The following ADGRL3 variants were observed in gnomAD, a reference collection of about 807,000 sequenced individuals.
The protein encoded by ADGRL3 is adhesion G protein-coupled receptor L3.
ADGRL3 carries 62 observed loss-of-function variants against 153.5 expected under a neutral mutation model. The ratio of observed to expected loss-of-function variants is 0.40; its 90% confidence interval spans 0.33 to 0.50. The LOEUF (loss-of-function observed/expected upper bound fraction) is 0.50, where lower values mean the gene tolerates loss of function less well. ADGRL3 is among the 20% of genes least tolerant of loss of function. ADGRL3 has a pLI of 0.47. For synonymous variants in ADGRL3, 710 were observed against 672.5 expected, an observed-to-expected ratio of 1.06 and a Z score of -0.86; for missense variants, 1,641 against 1,859.4, an observed-to-expected ratio of 0.88 and a Z score of 2.16.
intron 5 of ADGRL3, among the ~76,000 whole-genome samples, chr4:61,664,264 AT>A (rs145164620): frequency 0.027 from 4,104 of 152,296 alleles, 126 homozygotes; most frequent in East Asian, 0.12. Flanking sequence ...AATATGTAAA[AT>A]TTTTTAAAGC....
intron 3 of ADGRL3, among the ~76,000 whole-genome samples, chr4:61,512,005 G>A (rs6841427): frequency 0.45 from 68,735 of 151,898 alleles, 16,734 homozygotes; most frequent in East Asian, 0.68. Context: ...AAGGTGCTGT[G>A]GGAGAGAGCC....
chr4:61,283,990 A>G (rs1424511866), intron 1 of ADGRL3, among the ~76,000 whole-genome samples: 1 of 152,014 alleles, frequency 6.6e-6, no homozygotes, highest in African/African-American at 2.4e-5. Flanking sequence ...CTGCTTGCAT[A>G]CAAAATCACA....
At chr4:61,296,668 A>T (rs1448900967) in intron 1 of ADGRL3, among the ~76,000 whole-genome samples, 1 of 152,186 alleles carries the variant, frequency 6.6e-6, no homozygotes, top group East Asian at 1.9e-4. Flanking sequence ...TGTAAATAGC[A>T]AAAGGCTTTA....
intron 1 of ADGRL3, among the ~76,000 whole-genome samples, 159 bp from the exon 2 acceptor site, chr4:61,382,965 C>G (rs1470808762): frequency 6.6e-6 from 1 of 151,810 alleles, no homozygotes; most frequent in Non-Finnish European, 1.5e-5. Context: ...TAAATTTCCT[C>G]TACATACCAT....
intron 9 of ADGRL3, among the ~76,000 whole-genome samples, chr4:61,879,398 T>C (rs766098108): frequency 2.0e-5 from 3 of 152,194 alleles, no homozygotes; most frequent in Non-Finnish European, 2.9e-5. Flanking sequence ...TAATGAGATA[T>C]CTTGGTGATA....
intron 9 of ADGRL3, among the ~76,000 whole-genome samples, chr4:61,841,428 T>C (rs989359330): frequency 6.6e-6 from 1 of 152,200 alleles, no homozygotes; most frequent in East Asian, 1.9e-4. Context: ...GAGGAAACTC[T>C]TGAATTTTTC....
At chr4:61,475,109 A>G (rs1199528135) in intron 2 of ADGRL3, among the ~76,000 whole-genome samples, 1 of 152,168 alleles carries the variant, frequency 6.6e-6, no homozygotes, top group Non-Finnish European at 1.5e-5. Flanking sequence ...CTAATTCAAC[A>G]TTCTGAACGG....
At position 62,070,599 on chromosome 4, in the gene ADGRL3, A is replaced by G; in HGVS notation, c.4323A>G (p.Thr1441=). 1 of 1,551,366 alleles carries G rather than the reference A, an allele frequency of 6.4e-7. No individual in the cohort carries two copies. Among genetic ancestry groups the G allele is most frequent in the East Asian group, 2.4e-5 (1 of 40,856 alleles). Residue 1441 remains threonine, a synonymous_variant, in exon 27 of 27, where the codon ACA becomes ACG. Transcript: ENST00000683033. ...TCCCTTTGCTAACCAACGAGCACAC[A>G]GAAGATCTCCAGTCACCCCATAGAG... ...SFFPLLTNEH[T]EDLQSPHRDS... is the part of the protein sequence containing the mutation.
chr4:61,683,636 AG>A (rs1484626091), intron 6 of ADGRL3, among the ~76,000 whole-genome samples: 2 of 152,140 alleles, frequency 1.3e-5, no homozygotes, highest in African/African-American at 4.8e-5. Context: ...AGAAAAGGGT[AG>A]CTATATGTAA....
intron 1 of ADGRL3, among the ~76,000 whole-genome samples, chr4:61,261,854 T>C (rs1338631005): frequency 6.6e-6 from 1 of 151,582 alleles, no homozygotes; most frequent in African/African-American, 2.4e-5. Context: ...ATGAAAAGAG[T>C]GAGGATAAAA....
rs1277777714 is a variant in ADGRL3, at chr4:61,948,359, C to T, written c.2805+83C>T. 1.5e-5 allele frequency: 14 copies of T among 956,404 alleles called. No homozygotes were observed. The Admixed American group carries it at 3.7e-4, about 25-fold the overall frequency. 59.2% of individuals were successfully genotyped at this position (956,404 alleles called of 1,614,324 possible). On this transcript the variant is annotated intron_variant, in intron 17 of 26. Transcript: ENST00000683033. Reference sequence around the variant, plus strand: ...AAATAGTCCTAACTATATGGGCTATCATATTTCAATGTTTTCCTACTTTCA... The same window carrying T: ...AAATAGTCCTAACTATATGGGCTATTATATTTCAATGTTTTCCTACTTTCA...
intron 8 of ADGRL3, among the ~76,000 whole-genome samples, chr4:61,766,509 AGTT>A (rs746384160): frequency 6.6e-6 from 1 of 151,954 alleles, no homozygotes; most frequent in Non-Finnish European, 1.5e-5. Context: ...GAAGGAAAGG[AGTT>A]GTTGTTTTGT....
chr4:61,965,109 C>T (rs2099001303), intron 17 of ADGRL3, among the ~76,000 whole-genome samples: 1 of 152,040 alleles, frequency 6.6e-6, no homozygotes, highest in South Asian at 2.1e-4. Flanking sequence ...GTGACCCTCC[C>T]TCTTCAGCCT....
intron 9 of ADGRL3, among the ~76,000 whole-genome samples, chr4:61,830,130 C>T (rs1395362667): frequency 6.6e-6 from 1 of 152,070 alleles, no homozygotes; most frequent in Non-Finnish European, 1.5e-5. Context: ...CTACCTCTGC[C>T]TCCCAAGCTA....
intron 6 of ADGRL3, among the ~76,000 whole-genome samples, chr4:61,714,540 A>G (rs1304134012): frequency 1.3e-5 from 2 of 152,072 alleles, no homozygotes; most frequent in Non-Finnish European, 2.9e-5. Flanking sequence ...GTCTTTACAC[A>G]TTCTTCCCTA....
intron 4 of ADGRL3, among the ~76,000 whole-genome samples, chr4:61,582,586 C>T (rs1302723470): frequency 2.6e-5 from 4 of 151,658 alleles, no homozygotes; most frequent in Non-Finnish European, 5.9e-5. Context: ...ACCAGTCTAC[C>T]ATTAATGTGT....
At chr4:61,908,327 T>C (rs2098705733) in intron 11 of ADGRL3, among the ~76,000 whole-genome samples, 1 of 152,120 alleles carries the variant, frequency 6.6e-6, no homozygotes, top group Non-Finnish European at 1.5e-5. Context: ...CCGGGCGTAG[T>C]GGCTCATGCC....
At chr4:61,409,284 T>TATATATTAGACATACATA (rs1560587250) in intron 2 of ADGRL3, among the ~76,000 whole-genome samples, 4 of 136,696 alleles carry the variant, frequency 2.9e-5, no homozygotes, top group African/African-American at 8.5e-5. Context: ...TAATATATAT[T>TATATATTAGACATACATA]ATATATATTA....
chr4:61,893,908 G>A (rs1001847405), intron 10 of ADGRL3, among the ~76,000 whole-genome samples: 1 of 151,446 alleles, frequency 6.6e-6, no homozygotes, highest in Non-Finnish European at 1.5e-5. Flanking sequence ...GACAGGTTTC[G>A]CCATGTTGTC....
Sources: gnomAD v4.1 joint callset for allele counts (sites outside exome capture counted in the v4.1 genomes callset) on GRCh38, gnomAD v4.1.1 for gene constraint, MANE v1.5 for transcripts, NCBI Gene and HGNC (gene_info 2026-07-23, HGNC 2026-07-21) for gene names.